Variants in AGMO observed in about 807,000 individuals in gnomAD.
The protein encoded by AGMO is alkylglycerol monooxygenase, also known as glyceryl-ether monooxygenase.
Under a neutral mutation model 60.2 loss-of-function variants are expected in AGMO, and 75 were observed. The ratio of observed to expected loss-of-function variants is 1.25; its 90% CI spans 1.03 to 1.51. The LOEUF (loss-of-function observed/expected upper bound fraction) is 1.51, where lower values mean the gene tolerates loss of function less well. AGMO is among the 40% of genes most tolerant of loss of function. The pLI is 0.00. For missense variants in AGMO, 763 were observed against 525.5 expected, an observed-to-expected ratio of 1.45 and a Z score of -4.42; for synonymous variants, 261 against 177.1, an observed-to-expected ratio of 1.47 and a Z score of -3.76.
intron 10 of AGMO, among the ~76,000 whole-genome samples, chr7:15,373,805 A>C (rs995625458): frequency 6.6e-6 from 1 of 152,206 alleles, no homozygotes; most frequent in African/African-American, 2.4e-5. Context: ...TTCTTATTAA[A>C]ACAAGTTGGT....
At chr7:15,166,544 A>G in the AGMO span, among the ~76,000 whole-genome samples, 2 of 152,200 alleles carry the variant, frequency 1.3e-5, no homozygotes, top group Non-Finnish European at 2.9e-5. Flanking sequence ...GGTTTTAAAC[A>G]GAGTAGGAAC....
At chr7:15,555,288 T>TACAC (rs1314573595) in intron 2 of AGMO, among the ~76,000 whole-genome samples, 1 of 100,002 alleles carries the variant, frequency 1.0e-5, no homozygotes, top group Non-Finnish European at 1.8e-5. Flanking sequence ...TATATATATA[T>TACAC]ATATACACAC....
At chr7:15,260,268 C>G (rs961456955) in intron 12 of AGMO, among the ~76,000 whole-genome samples, 2 of 149,988 alleles carry the variant, frequency 1.3e-5, no homozygotes, top group Admixed American at 1.3e-4. Context: ...TCAGGAGACT[C>G]AACTAACACA....
At chr7:15,371,666 G>T (rs1195121066) in intron 10 of AGMO, among the ~76,000 whole-genome samples, 1 of 152,108 alleles carries the variant, frequency 6.6e-6, no homozygotes, top group Non-Finnish European at 1.5e-5. Context: ...CTAAAGTGCT[G>T]GGATTATAGG....
At chr7:15,214,334 T>A (rs1781674928) in intron 12 of AGMO, among the ~76,000 whole-genome samples, 1 of 152,036 alleles carries the variant, frequency 6.6e-6, no homozygotes, top group Non-Finnish European at 1.5e-5. Flanking sequence ...GTGTTAATAA[T>A]TCTCATGGCT....
intron 12 of AGMO, among the ~76,000 whole-genome samples, chr7:15,287,753 G>A (rs1784139568): frequency 6.6e-6 from 1 of 151,456 alleles, no homozygotes; most frequent in Non-Finnish European, 1.5e-5. Context: ...TAGCATCAAT[G>A]AATACTTTAA....
intron 12 of AGMO, among the ~76,000 whole-genome samples, chr7:15,217,435 G>A (rs1434838979): frequency 6.6e-6 from 1 of 151,966 alleles, no homozygotes; most frequent in African/African-American, 2.4e-5. Context: ...ACTTTAATAT[G>A]TGCAAGAAAT....
Position 15,375,557 on chromosome 7 carries a change from C to T in AGMO, c.1075-9335G>A, listed in dbSNP as rs1204661047. Among the ~76,000 whole-genome samples the T allele has an allele frequency of 5.9e-5, 9 of 152,070 alleles. No individual in the cohort carries two copies. The East Asian group carries it at 1.7e-3, about 29-fold the overall frequency. On this transcript the variant is annotated intron_variant, in intron 10 of 12. Transcript: ENST00000342526. The stretch of plus-strand genomic sequence containing the variant: ...GATTACAGACACCTGCCACCGCACC[C>T]AGCTAATTTTTGTATTTTTAGCAGA...
chr7:15,288,419 G>C (rs550247963), intron 12 of AGMO, among the ~76,000 whole-genome samples: 1 of 151,994 alleles, frequency 6.6e-6, no homozygotes, highest in African/African-American at 2.4e-5. Context: ...CTTATCACGA[G>C]GCATTTCTTC....
intron 3 of AGMO, among the ~76,000 whole-genome samples, chr7:15,463,610 A>G (rs1016097920): frequency 1.3e-5 from 2 of 152,194 alleles, no homozygotes; most frequent in African/African-American, 4.8e-5. Context: ...TAAATTACAT[A>G]GGGTCCCCTT....
intron 3 of AGMO, among the ~76,000 whole-genome samples, chr7:15,521,090 A>T (rs1261986368): frequency 6.6e-6 from 1 of 152,178 alleles, no homozygotes; most frequent in Admixed American, 6.5e-5. Context: ...AAATTAGAAA[A>T]TCTAGAAGAA....
intron 3 of AGMO, among the ~76,000 whole-genome samples, chr7:15,509,005 T>C (rs1017855222): frequency 6.6e-6 from 1 of 152,214 alleles, no homozygotes; most frequent in Non-Finnish European, 1.5e-5. Flanking sequence ...ATTTGGAAAC[T>C]ATCCCTTACA....
chr7:15,136,430 C>A, the AGMO span, among the ~76,000 whole-genome samples: 1 of 152,164 alleles, frequency 6.6e-6, no homozygotes, highest in Non-Finnish European at 1.5e-5. Flanking sequence ...AAGGTATTTA[C>A]ACCCACATTC....
At chr7:15,446,999 G>C (rs892819767) in intron 3 of AGMO, among the ~76,000 whole-genome samples, 1 of 152,134 alleles carries the variant, frequency 6.6e-6, no homozygotes, top group African/African-American at 2.4e-5. Flanking sequence ...TCCCCACAAT[G>C]CTCAAAGCTC....
downstream of AGMO, among the ~76,000 whole-genome samples, chr7:15,197,619 C>G (rs533136115): frequency 6.6e-6 from 1 of 152,196 alleles, no homozygotes; most frequent in Non-Finnish European, 1.5e-5. Context: ...AGGAAACTGA[C>G]AAGTCCTGTA....
At chr7:15,369,586 C>A (rs185739794) in intron 10 of AGMO, among the ~76,000 whole-genome samples, 1 of 152,136 alleles carries the variant, frequency 6.6e-6, no homozygotes, top group Admixed American at 6.6e-5. Flanking sequence ...TGTCCTTGTC[C>A]CTCCGACACA....
intron 12 of AGMO, among the ~76,000 whole-genome samples, chr7:15,266,129 G>A (rs568993774): frequency 6.6e-6 from 1 of 152,114 alleles, no homozygotes; most frequent in East Asian, 1.9e-4. Context: ...GGGGATCAGG[G>A]GAGAAGGAAT....
At chr7:15,502,362 A>G (rs1214446127) in intron 3 of AGMO, among the ~76,000 whole-genome samples, 2 of 151,888 alleles carry the variant, frequency 1.3e-5, no homozygotes, top group Admixed American at 6.6e-5. Context: ...TGCAAGAGGC[A>G]GGAGGCTGAG....
chr7:15,321,317 T>C (rs992245915), intron 12 of AGMO, among the ~76,000 whole-genome samples: 1 of 152,176 alleles, frequency 6.6e-6, no homozygotes, highest in Non-Finnish European at 1.5e-5. Context: ...ACATTATGCA[T>C]GCACCTTTCT....
Sources: allele counts gnomAD v4.1 joint callset (sites outside exome capture counted in the v4.1 genomes callset), GRCh38; gene constraint gnomAD v4.1.1; transcripts MANE v1.5; gene names NCBI Gene and HGNC (gene_info 2026-07-23, HGNC 2026-07-21).